The following PRDM10 variants were observed in gnomAD, a reference collection of about 807,000 sequenced individuals.
The protein encoded by PRDM10 is PR/SET domain 10.
Under a neutral mutation model 133.1 loss-of-function variants are expected in PRDM10, and 65 were observed. That is an observed-to-expected ratio of 0.49 (90% CI 0.40 to 0.60). The LOEUF (loss-of-function observed/expected upper bound fraction) is 0.60. Ranked by LOEUF, PRDM10 falls within the 20% of genes least tolerant of loss-of-function variation. The probability of loss-of-function intolerance (pLI) is 0.00; values close to 1 mark genes in which losing one functional copy is unlikely to be tolerated. For missense variants in PRDM10, 1,137 were observed against 1,507.1 expected (o/e 0.75, Z 4.07); for synonymous variants, 582 against 580.4 (o/e 1.00, Z -0.04).
At chr11:130,000,932 C>T (rs1939327677) in intron 1 of PRDM10, among the ~76,000 whole-genome samples, 1 of 152,086 alleles carries the variant, frequency 6.6e-6, no homozygotes, top group Admixed American at 6.6e-5. Context: ...AATGATGAAA[C>T]CCCGTTTCTA....
At chr11:130,002,657 C>T (rs1057190030) in intron 1 of PRDM10, 65 bp downstream of exon 1, 1 of 153,380 alleles carries the variant, frequency 6.5e-6, no homozygotes, top group African/African-American at 2.4e-5. Flanking sequence ...ACGAAACACC[C>T]TCCCAGTCTA....
At chr11:129,943,563 T>A (rs1951283898) in intron 6 of PRDM10, among the ~76,000 whole-genome samples, 1 of 152,116 alleles carries the variant, frequency 6.6e-6, no homozygotes, top group African/African-American at 2.4e-5. Context: ...CTGGTCCTTA[T>A]AAGAAGGGAA....
chr11:129,918,536 G>T lies in PRDM10; in HGVS notation c.2214+3C>A. Reference sequence around the variant, plus strand: ...GAGGAACCCGCAGCCACTGGGCACTGACCAGCATGCCGCGCCGCCGGAAGC... The same window carrying T: ...GAGGAACCCGCAGCCACTGGGCACTTACCAGCATGCCGCGCCGCCGGAAGC... On this transcript the variant is annotated splice_donor_region_variant and intron_variant, in intron 14 of 20. Coordinates refer to ENST00000360871, the MANE Select transcript of PRDM10 (RefSeq NM_199437.2). The surrounding 1 kb of genome is among the most constrained non-coding windows in gnomAD (Gnocchi z 5.3). 1 of 1,613,324 alleles carries T rather than the reference G, an allele frequency of 6.2e-7. No homozygotes were observed. The highest frequency in any genetic ancestry group is 1.1e-5 in the South Asian group (1 of 90,910).
intron 1 of PRDM10, among the ~76,000 whole-genome samples, chr11:130,000,837 G>A (rs1451656548): frequency 6.6e-6 from 1 of 152,112 alleles, no homozygotes; most frequent in Non-Finnish European, 1.5e-5. Flanking sequence ...CCGAGCGCGG[G>A]GGCCCATGCC....
At chr11:129,974,591 G>A (rs370966954) in intron 1 of PRDM10, among the ~76,000 whole-genome samples, 1 of 152,184 alleles carries the variant, frequency 6.6e-6, no homozygotes, top group East Asian at 1.9e-4. Context: ...AGAAGTGACA[G>A]TGGAAGAGTC....
chr11:129,995,836 C>T (rs113051565), intron 1 of PRDM10, among the ~76,000 whole-genome samples: 1,977 of 152,140 alleles, frequency 0.013, 36 homozygotes, highest in African/African-American at 0.045. Context: ...ATCCCAGCTA[C>T]TTGGGGGGCT....
Position 129,942,555 on chromosome 11 carries a change from C to T in PRDM10, c.837G>A (p.Thr279=), listed in dbSNP as rs145098486. The T allele has an allele frequency of 1.1e-4, 177 of 1,614,022 alleles. 1 individual carries two copies. In the Middle Eastern group the frequency reaches 1.2e-3, roughly 11 times the overall value. The part of the protein sequence containing the change: ...EDLWFELSDE[T]LCNWMMFVRP... Reference sequence around the variant, plus strand: ...GTACAAACATCATCCAGTTACAAAGCGTCTCATCAGACAACTCAAACCATA... The same window carrying T: ...GTACAAACATCATCCAGTTACAAAGTGTCTCATCAGACAACTCAAACCATA... Residue 279 remains threonine (T), a synonymous_variant, in exon 7 of 21, where the codon ACG becomes ACA. Coordinates refer to ENST00000360871, the MANE Select transcript of PRDM10 (RefSeq NM_199437.2).
At chr11:129,959,867 C>T (rs1347526824) in intron 2 of PRDM10, among the ~76,000 whole-genome samples, 1 of 151,686 alleles carries the variant, frequency 6.6e-6, no homozygotes, top group Non-Finnish European at 1.5e-5. Context: ...CAGCCTCCAC[C>T]TCCTAGAGAC....
chr11:129,960,944 G>A lies in PRDM10; in HGVS notation c.21C>T (p.Ser7=). Reference sequence around the variant, plus strand: ...CTGCAGATGTCGGCCACACATGCGAGCTTTCATCTTTGGAATCCATCTTCT... The same window carrying A: ...CTGCAGATGTCGGCCACACATGCGAACTTTCATCTTTGGAATCCATCTTCT... MDSKDE[S]SHVWPTSAEH... The change falls in exon 2 of 21, where the codon AGC becomes AGT. Residue 7 remains serine, a synonymous_variant. Coordinates refer to ENST00000360871, the MANE Select transcript of PRDM10 (RefSeq NM_199437.2). 6.2e-7 allele frequency: 1 copy of A among 1,614,144 alleles called. No homozygotes were observed. Among genetic ancestry groups the A allele is most frequent in the Middle Eastern group, 1.6e-4 (1 of 6,062 alleles).
chr11:129,915,159 T>G, intron 16 of PRDM10, 141 bp from the exon 17 acceptor site: 1 of 835,764 alleles, frequency 1.2e-6, no homozygotes, highest in Non-Finnish European at 1.8e-6. Context: ...ACTCTATGCC[T>G]GTACTTCCTG....
At chr11:129,994,660 T>C (rs1196912562) in intron 1 of PRDM10, among the ~76,000 whole-genome samples, 3 of 148,992 alleles carry the variant, frequency 2.0e-5, no homozygotes, top group Non-Finnish European at 4.4e-5. Flanking sequence ...TTTTTCTTTC[T>C]CTTTTTTTTG....
intron 4 of PRDM10, among the ~76,000 whole-genome samples, chr11:129,948,404 T>G (rs1951489579): frequency 6.6e-6 from 1 of 152,184 alleles, no homozygotes; most frequent in African/African-American, 2.4e-5. Flanking sequence ...TCAGCCACCT[T>G]CTAAATCCTA....
At chr11:129,940,746 T>G (rs867854418) in intron 7 of PRDM10, among the ~76,000 whole-genome samples, 11 of 152,354 alleles carry the variant, frequency 7.2e-5, no homozygotes, top group African/African-American at 2.6e-4. Flanking sequence ...CCAGATAAAG[T>G]CAATTCCTGA....
At chr11:129,912,344 C>A (rs1950211873) in intron 17 of PRDM10, 119 bp from the exon 18 acceptor site, 2 of 1,132,526 alleles carry the variant, frequency 1.8e-6, no homozygotes, top group South Asian at 4.6e-5. Flanking sequence ...GTGGCTCATG[C>A]CTATAAACCC....
chr11:129,934,705 C>A (rs1950972872), intron 9 of PRDM10, among the ~76,000 whole-genome samples: 1 of 152,216 alleles, frequency 6.6e-6, no homozygotes, highest in African/African-American at 2.4e-5. Flanking sequence ...ATGATTCTCC[C>A]CTCATCTGTC....
chr11:129,906,877 C>T (rs1272001128), intron 19 of PRDM10, among the ~76,000 whole-genome samples: 2 of 151,822 alleles, frequency 1.3e-5, no homozygotes, highest in Non-Finnish European at 1.5e-5. Flanking sequence ...ACTCAGGAGT[C>T]TGAGGCAGGA....
intron 1 of PRDM10, among the ~76,000 whole-genome samples, chr11:129,971,743 C>A (rs1246893904): frequency 5.3e-5 from 8 of 152,268 alleles, no homozygotes; most frequent in Non-Finnish European, 1.2e-4. Flanking sequence ...CACGTCCCCA[C>A]CAGACTCAGG....
intron 1 of PRDM10, among the ~76,000 whole-genome samples, chr11:129,971,456 G>A (rs1591677417): frequency 6.6e-6 from 1 of 152,076 alleles, no homozygotes; most frequent in East Asian, 1.9e-4. Flanking sequence ...GGTTCTCCAA[G>A]GCCCCACCAG....
At chr11:129,955,105 G>A (rs904526473) in intron 4 of PRDM10, among the ~76,000 whole-genome samples, 5 of 151,994 alleles carry the variant, frequency 3.3e-5, no homozygotes, top group African/African-American at 1.2e-4. Flanking sequence ...TTTAGAAGCT[G>A]GCATGAGGAA....
Sources: gnomAD v4.1 joint callset for allele counts (sites outside exome capture counted in the v4.1 genomes callset) on GRCh38, gnomAD v4.1.1 for gene constraint, Gnocchi (gnomAD v3.1) non-coding constraint, MANE v1.5 for transcripts, NCBI Gene and HGNC (gene_info 2026-07-23, HGNC 2026-07-21) for gene names.